Variants in DRC11 observed in about 807,000 individuals in gnomAD.
The protein encoded by DRC11 is IQ and AAA domain-containing protein 1.
At chr2:236,354,867 C>A in the DRC11 span, among the ~76,000 whole-genome samples, 1 of 152,160 alleles carries the variant, frequency 6.6e-6, no homozygotes, top group African/African-American at 2.4e-5. Context: ...GGACATGTAT[C>A]CCGGGTCCTG....
At chr2:236,449,392 G>A in the DRC11 span, among the ~76,000 whole-genome samples, 3,485 of 152,146 alleles carry the variant, frequency 0.023, 131 homozygotes, top group African/African-American at 0.079. This position sits in a 1 kb window ranked among gnomAD's most constrained non-coding sequence, Gnocchi z 5.1. Flanking sequence ...CCACTCTCTC[G>A]CCTCCGCCTC....
the DRC11 span, chr2:236,392,196 G>A: frequency 1.4e-6 from 2 of 1,472,488 alleles, no homozygotes; most frequent in African/African-American, 1.4e-5. The surrounding 1 kb of genome is among the most constrained non-coding windows in gnomAD (Gnocchi z 5.1). Flanking sequence ...GAAGCACAAT[G>A]GTTGAAGTAA....
At chr2:236,437,344 T>G in the DRC11 span, among the ~76,000 whole-genome samples, 1 of 145,088 alleles carries the variant, frequency 6.9e-6, no homozygotes. Flanking sequence ...TCTATCATTG[T>G]TGGACATTTG....
chr2:236,343,672 C>A, the DRC11 span: 1 of 1,274,324 alleles, frequency 7.8e-7, no homozygotes, highest in Non-Finnish European at 1.0e-6. The surrounding 1 kb of genome is among the most constrained non-coding windows in gnomAD (Gnocchi z 6.6). Context: ...GGTGGAGAAC[C>A]CGGTCATTCC....
At chr2:236,327,064 C>T in the DRC11 span, among the ~76,000 whole-genome samples, 1 of 152,012 alleles carries the variant, frequency 6.6e-6, no homozygotes, top group Non-Finnish European at 1.5e-5. Context: ...CTCTGTCTCT[C>T]TCTCCTTATT....
the DRC11 span, among the ~76,000 whole-genome samples, chr2:236,494,229 C>T: frequency 2.6e-5 from 4 of 152,060 alleles, no homozygotes; most frequent in African/African-American, 9.7e-5. The surrounding 1 kb of genome is among the most constrained non-coding windows in gnomAD (Gnocchi z 4.2). Flanking sequence ...GTTCAAATTG[C>T]AGTAGTAAAG....
the DRC11 span, among the ~76,000 whole-genome samples, chr2:236,443,535 C>T: frequency 6.6e-6 from 1 of 152,200 alleles, no homozygotes; most frequent in African/African-American, 2.4e-5. The surrounding 1 kb of genome is among the most constrained non-coding windows in gnomAD (Gnocchi z 4.4). Flanking sequence ...CTTCCAGCTC[C>T]ATCCATGTCC....
the DRC11 span, among the ~76,000 whole-genome samples, chr2:236,317,251 G>A: frequency 4.0e-5 from 6 of 151,888 alleles, no homozygotes; most frequent in African/African-American, 7.2e-5. This position sits in a 1 kb window ranked among gnomAD's most constrained non-coding sequence, Gnocchi z 5.4. Flanking sequence ...AGCTGAGATC[G>A]CGCCACTGCA....
the DRC11 span, chr2:236,324,501 A>G: frequency 3.9e-6 from 2 of 512,778 alleles, no homozygotes; most frequent in South Asian, 2.3e-5. This position sits in a 1 kb window ranked among gnomAD's most constrained non-coding sequence, Gnocchi z 5.7. Context: ...CAGCACATGC[A>G]GTGGTTAGCG....
chr2:236,491,146 ATATATACACACAG>A, the DRC11 span, among the ~76,000 whole-genome samples: 14 of 77,682 alleles, frequency 1.8e-4, no homozygotes, highest in African/African-American at 7.1e-4. Context: ...TATACAGTAT[ATATATACACACAG>A]TATATATATA....
At chr2:236,409,586 T>C in the DRC11 span, among the ~76,000 whole-genome samples, 1 of 152,100 alleles carries the variant, frequency 6.6e-6, no homozygotes, top group Non-Finnish European at 1.5e-5. Flanking sequence ...TTTTCCTAAT[T>C]GAATACCCTT....
the DRC11 span, chr2:236,503,747 C>A: frequency 1.3e-3 from 1,876 of 1,499,460 alleles, 25 homozygotes; most frequent in Admixed American, 0.02. This position sits in a 1 kb window ranked among gnomAD's most constrained non-coding sequence, Gnocchi z 4.9. Flanking sequence ...CGTGACCACA[C>A]CCCCTCCCAC....
chr2:236,424,120 GCAGCA>G, the DRC11 span, among the ~76,000 whole-genome samples: 7 of 151,868 alleles, frequency 4.6e-5, no homozygotes, highest in Non-Finnish European at 8.8e-5. Flanking sequence ...GTTAGTGGGT[GCAGCA>G]CACCAGCACG....
the DRC11 span, among the ~76,000 whole-genome samples, chr2:236,500,082 A>AGATGATGATGAT: frequency 2.0e-3 from 296 of 150,588 alleles, no homozygotes; most frequent in Middle Eastern, 3.4e-3. This position sits in a 1 kb window ranked among gnomAD's most constrained non-coding sequence, Gnocchi z 6.3. Flanking sequence ...TTTTGGGTTC[A>AGATGATGATGAT]GATGATGATG....
chr2:236,317,330 A>G, the DRC11 span, among the ~76,000 whole-genome samples: 1 of 152,026 alleles, frequency 6.6e-6, no homozygotes, highest in Non-Finnish European at 1.5e-5. This position sits in a 1 kb window ranked among gnomAD's most constrained non-coding sequence, Gnocchi z 5.4. Flanking sequence ...TCTCATTAAC[A>G]GTAAAATAGG....
chr2:236,456,111 A>G, the DRC11 span, among the ~76,000 whole-genome samples: 2 of 152,216 alleles, frequency 1.3e-5, no homozygotes, highest in African/African-American at 4.8e-5. The surrounding 1 kb of genome is among the most constrained non-coding windows in gnomAD (Gnocchi z 5.4). Context: ...TGGATATGGG[A>G]AACATCCAAA....
At chr2:236,473,002 C>T in the DRC11 span, among the ~76,000 whole-genome samples, 1 of 152,112 alleles carries the variant, frequency 6.6e-6, no homozygotes, top group South Asian at 2.1e-4. This position sits in a 1 kb window ranked among gnomAD's most constrained non-coding sequence, Gnocchi z 4.8. Flanking sequence ...AGCCCTTTTG[C>T]ATTTAAAAAG....
At chr2:236,458,916 G>A in the DRC11 span, among the ~76,000 whole-genome samples, 1 of 152,032 alleles carries the variant, frequency 6.6e-6, no homozygotes, top group Non-Finnish European at 1.5e-5. Context: ...ATGGTGGCGG[G>A]TGCCTGTAAT....
the DRC11 span, among the ~76,000 whole-genome samples, chr2:236,441,913 C>G: frequency 0.022 from 3,385 of 152,168 alleles, 123 homozygotes; most frequent in African/African-American, 0.077. Flanking sequence ...TGCTAGATGA[C>G]TTACAGCTAT....
Sources: allele counts gnomAD v4.1 joint callset (sites outside exome capture counted in the v4.1 genomes callset), GRCh38; gene constraint gnomAD v4.1.1; non-coding constraint Gnocchi (gnomAD v3.1); transcripts MANE v1.5; gene names NCBI Gene and HGNC (gene_info 2026-07-23, HGNC 2026-07-21).